STARD13: variants seen among roughly 807,000 people sequenced by gnomAD.
STARD13 encodes the protein stAR-related lipid transfer protein 13.
Under a neutral mutation model 106.4 loss-of-function variants are expected in STARD13, and 62 were observed. The observed-to-expected ratio is 0.58, with a 90% CI of 0.48 to 0.72. STARD13 has a LOEUF of 0.72. STARD13 is among the 30% of genes least tolerant of loss of function. STARD13 has a pLI of 0.00. For missense variants in STARD13, 1,387 were observed against 1,424.0 expected (o/e 0.97, Z 0.42); for synonymous variants, 565 against 553.0 (o/e 1.02, Z -0.31).
the STARD13 span, among the ~76,000 whole-genome samples, chr13:33,593,597 C>T: frequency 6.6e-6 from 1 of 152,168 alleles, no homozygotes; most frequent in African/African-American, 2.4e-5. Flanking sequence ...AGATTCAGCC[C>T]CATGCCAGTC....
intron 1 of STARD13, among the ~76,000 whole-genome samples, chr13:33,223,707 C>T (rs1460216033): frequency 6.6e-6 from 1 of 151,964 alleles, no homozygotes; most frequent in Non-Finnish European, 1.5e-5. Context: ...AAAGTGTGGG[C>T]TCTGGAGCCA....
intron 1 of STARD13, among the ~76,000 whole-genome samples, chr13:33,244,509 C>T (rs922006535): frequency 6.6e-6 from 1 of 152,026 alleles, no homozygotes; most frequent in African/African-American, 2.4e-5. Context: ...TGCTGCTCCT[C>T]TTATCAAGAA....
In STARD13 at chr13:33,126,121, T is replaced by C; in HGVS notation, c.2042A>G (p.Gln681Arg). The change falls in exon 7 of 14, where the codon CAG becomes CGG. Residue 681 changes from glutamine to arginine, a missense_variant. Coordinates refer to ENST00000336934, the MANE Select transcript of STARD13 (RefSeq NM_178006.4). ...RTGQPLPQSI[Q>R]QALRYLRSNC... ...GCTGCGTAGATATCTCAGTGCTTGC[T>C]GAATACTTTGAGGCAGGGGCTGTCC... The C allele has an allele frequency of 6.2e-7, 1 of 1,614,198 alleles. No individual in the cohort carries two copies. Among genetic ancestry groups the C allele is most frequent in the Non-Finnish European group, 8.5e-7 (1 of 1,180,028 alleles).
At chr13:33,434,640 G>A in the STARD13 span, among the ~76,000 whole-genome samples, 2 of 151,876 alleles carry the variant, frequency 1.3e-5, no homozygotes, top group African/African-American at 4.8e-5. Context: ...CTTCAAACTG[G>A]GGTATTCGGC....
At chr13:33,253,070 C>T (rs1208781250) in intron 1 of STARD13, among the ~76,000 whole-genome samples, 2 of 152,318 alleles carry the variant, frequency 1.3e-5, no homozygotes, top group East Asian at 1.9e-4. Context: ...ATCCTAGTAT[C>T]ATGTGGTATT....
Position 33,129,909 on chromosome 13 carries a change from G to C in STARD13, c.768C>G (p.Ala256=), listed in dbSNP as rs142304754. Reference sequence around the variant, plus strand: ...TTTCCATGCGTTTCAAAAATGATTTGGCCCTAGCCCTCGTGGGCTTCTCAT... The same window carrying C: ...TTTCCATGCGTTTCAAAAATGATTTCGCCCTAGCCCTCGTGGGCTTCTCAT... ...PKNEKPTRAR[A]KSFLKRMETL... The change falls in exon 5 of 14, where the codon GCC becomes GCG. Residue 256 remains alanine, a synonymous_variant. Transcript: ENST00000336934. The C allele has an allele frequency of 2.5e-5, 40 of 1,613,244 alleles. No homozygotes were observed. The highest frequency in any genetic ancestry group is 3.4e-5 in the Non-Finnish European group (40 of 1,180,002).
At chr13:33,573,436 C>T in the STARD13 span, among the ~76,000 whole-genome samples, 2 of 152,012 alleles carry the variant, frequency 1.3e-5, no homozygotes, top group African/African-American at 4.8e-5. Flanking sequence ...AGTATTTATT[C>T]CATTATAAAC....
At chr13:33,543,140 TC>T in the STARD13 span, among the ~76,000 whole-genome samples, 1 of 152,192 alleles carries the variant, frequency 6.6e-6, no homozygotes, top group Admixed American at 6.5e-5. Flanking sequence ...TTCTCAGTCT[TC>T]CCCGTATCAG....
chr13:33,566,445 A>G, the STARD13 span, among the ~76,000 whole-genome samples: 1 of 147,886 alleles, frequency 6.8e-6, no homozygotes, highest in Admixed American at 7.0e-5. Context: ...ACTGCCTGAG[A>G]CTCAGAGACA....
chr13:33,185,811 A>C, intron 1 of STARD13: 2 of 1,537,316 alleles, frequency 1.3e-6, no homozygotes, highest in South Asian at 2.3e-5. Flanking sequence ...AGGCCATGCA[A>C]GGCTAAGTAA....
At chr13:33,386,291 G>A in the STARD13 span, among the ~76,000 whole-genome samples, 18 of 152,132 alleles carry the variant, frequency 1.2e-4, no homozygotes, top group Non-Finnish European at 2.2e-4. Flanking sequence ...CAAGATTCAA[G>A]GTTTTCTTGC....
the STARD13 span, among the ~76,000 whole-genome samples, chr13:33,586,925 CCT>C: frequency 2.6e-5 from 4 of 152,058 alleles, no homozygotes; most frequent in Non-Finnish European, 5.9e-5. Context: ...TCAATTTTCT[CCT>C]AGTTGGCCGA....
At chr13:33,613,763 C>T in the STARD13 span, among the ~76,000 whole-genome samples, 1 of 152,152 alleles carries the variant, frequency 6.6e-6, no homozygotes, top group East Asian at 1.9e-4. Context: ...CGGATAGTGA[C>T]AAGCTCAGAT....
the STARD13 span, among the ~76,000 whole-genome samples, chr13:33,491,046 T>C: frequency 1.3e-5 from 2 of 152,150 alleles, no homozygotes; most frequent in African/African-American, 4.8e-5. Context: ...AAGTCTCCCG[T>C]TTCAATACTA....
chr13:33,146,479 G>A (rs1328672472), intron 3 of STARD13, among the ~76,000 whole-genome samples: 1 of 152,190 alleles, frequency 6.6e-6, no homozygotes, highest in African/African-American at 2.4e-5. Context: ...GTAGGACCCT[G>A]TAGCTGAAAA....
chr13:33,322,740 A>G (rs149379508), intron 1 of STARD13, among the ~76,000 whole-genome samples: 5 of 152,352 alleles, frequency 3.3e-5, no homozygotes, highest in African/African-American at 1.2e-4. Context: ...TTCAGAAGTT[A>G]AAAAGAAGAG....
At chr13:33,356,268 G>T in the STARD13 span, among the ~76,000 whole-genome samples, 1 of 152,162 alleles carries the variant, frequency 6.6e-6, no homozygotes, top group Non-Finnish European at 1.5e-5. Context: ...AAGTAATTTA[G>T]CTTACCACAC....
chr13:33,311,968 A>G (rs555549916), intron 1 of STARD13, among the ~76,000 whole-genome samples: 1 of 152,174 alleles, frequency 6.6e-6, no homozygotes, highest in Admixed American at 6.5e-5. Context: ...AAAAACACTT[A>G]ATGCTGTTTC....
At chr13:33,244,500 G>A (rs908904285) in intron 1 of STARD13, among the ~76,000 whole-genome samples, 1 of 151,848 alleles carries the variant, frequency 6.6e-6, no homozygotes, top group Non-Finnish European at 1.5e-5. Context: ...ATTTAGCCTT[G>A]CTGCTCCTCT....
Sources: gnomAD v4.1 joint callset for allele counts (sites outside exome capture counted in the v4.1 genomes callset) on GRCh38, gnomAD v4.1.1 for gene constraint, MANE v1.5 for transcripts, NCBI Gene and HGNC (gene_info 2026-07-23, HGNC 2026-07-21) for gene names.